Variants in PTPRS observed in about 807,000 individuals in gnomAD.
PTPRS encodes the protein receptor-type tyrosine-protein phosphatase S.
Under a neutral mutation model 215.3 loss-of-function variants are expected in PTPRS, and 63 were observed. The ratio of observed to expected loss-of-function variants is 0.29; its 90% CI spans 0.24 to 0.36. The LOEUF is 0.36. Ranked by LOEUF, PTPRS falls within the 10% of genes least tolerant of loss-of-function variation. The probability of loss-of-function intolerance (pLI) is 1.00; values close to 1 mark genes in which losing one functional copy is unlikely to be tolerated. For missense variants in PTPRS, 2,258 were observed against 2,825.8 expected, an observed-to-expected ratio of 0.80 and a Z score of 4.56; for synonymous variants, 1,404 against 1,191.4, an observed-to-expected ratio of 1.18 and a Z score of -3.68.
Position 5,258,074 on chromosome 19 carries a change from C to A in PTPRS, c.649G>T (p.Val217Leu). Residue 217 changes from valine to leucine, a missense_variant, in exon 8 of 38, where the codon GTG becomes TTG. Val to Leu is a conservative substitution (Grantham distance 32). Coordinates refer to ENST00000262963, the MANE Select transcript of PTPRS (RefSeq NM_002850.4). ...EETDQGKYEC[V>L]ATNSAGVRYS... ...CGCACGCCGGCGCTGTTGGTGGCCA[C>A]ACACTCATATTTGCCCTGGTCGGTT... 1 of 1,614,190 alleles carries A rather than the reference C, an allele frequency of 6.2e-7. No individual in the cohort carries two copies. Among genetic ancestry groups the A allele is most frequent in the Non-Finnish European group, 8.5e-7 (1 of 1,180,022 alleles).
chr19:5,260,258 C>T lies in PTPRS; in HGVS notation c.595+547G>A, dbSNP rs2045883119. 2.7e-5 allele frequency among the ~76,000 whole-genome samples: 4 copies of T among 150,896 alleles called. No homozygotes were observed. The South Asian group carries it at 8.4e-4, about 32-fold the overall frequency. ...GTGGCATGATCTTAGTGGCTCACTGCAACCTCTGCCTCCCAGGTTCAAGTG... is the reference window on the plus strand; with the variant it reads ...GTGGCATGATCTTAGTGGCTCACTGTAACCTCTGCCTCCCAGGTTCAAGTG... On this transcript the variant is annotated intron_variant, in intron 7 of 37. Transcript: ENST00000262963.
chr19:5,338,322 G>A lies in PTPRS; in HGVS notation c.-95+2342C>T, dbSNP rs1287820431. ...TTAGAACAACTCTCAGGATGATGGA[G>A]TATGGCGGGCGGTGGCCCCCAGGGG... On this transcript the variant is annotated intron_variant, in intron 1 of 37. Transcript: ENST00000262963. The surrounding 1 kb of genome is among the most constrained non-coding windows in gnomAD (Gnocchi z 4.2). Among the ~76,000 whole-genome samples the A allele has an allele frequency of 6.6e-6, 1 of 152,202 alleles. No homozygotes were observed. Among genetic ancestry groups the A allele is most frequent in the African/African-American group, 2.4e-5 (1 of 41,472 alleles).
At chr19:5,248,251 C>A (rs1269526889) in intron 9 of PTPRS, among the ~76,000 whole-genome samples, 2 of 151,680 alleles carry the variant, frequency 1.3e-5, no homozygotes, top group South Asian at 2.1e-4. Flanking sequence ...AAAACGGTAT[C>A]GACGTCCAAA....
chr19:5,216,892 T>A (rs1027839251), intron 25 of PTPRS, 125 bp from the exon 26 acceptor site: 1 of 614,616 alleles, frequency 1.6e-6, no homozygotes, highest in South Asian at 1.9e-5. Context: ...CAACGGGGGG[T>A]ATGTACAGCC....
intron 25 of PTPRS, among the ~76,000 whole-genome samples, chr19:5,218,010 A>T (rs186869437): frequency 1.3e-5 from 2 of 152,296 alleles, no homozygotes; most frequent in African/African-American, 4.8e-5. Context: ...GATATATCCC[A>T]AGGGAGTGTG....
At chr19:5,276,845 T>A (rs114753145) in intron 2 of PTPRS, among the ~76,000 whole-genome samples, 8 of 152,160 alleles carry the variant, frequency 5.3e-5, no homozygotes, top group Non-Finnish European at 1.0e-4. Flanking sequence ...CAGGTGAGTA[T>A]GCCTATTTTA....
chr19:5,298,121 G>A (rs777296823), intron 1 of PTPRS, among the ~76,000 whole-genome samples: 7 of 152,130 alleles, frequency 4.6e-5, no homozygotes, highest in African/African-American at 9.7e-5. Context: ...CTATGCATAC[G>A]AATGGGTGCT....
At chr19:5,291,276 T>C (rs1467288492) in intron 1 of PTPRS, among the ~76,000 whole-genome samples, 1 of 151,966 alleles carries the variant, frequency 6.6e-6, no homozygotes, top group Non-Finnish European at 1.5e-5. Flanking sequence ...CCATTAAATG[T>C]TCTCTGTGTT....
chr19:5,246,800 A>G (rs2044528686), intron 9 of PTPRS, among the ~76,000 whole-genome samples: 1 of 152,142 alleles, frequency 6.6e-6, no homozygotes, highest in African/African-American at 2.4e-5. Context: ...TGGGTATAGA[A>G]ACCCTTCTAA....
At chr19:5,313,163 C>T (rs538755433) in intron 1 of PTPRS, among the ~76,000 whole-genome samples, 18 of 152,318 alleles carry the variant, frequency 1.2e-4, no homozygotes, top group Non-Finnish European at 2.2e-4. Context: ...GTGATCCGCC[C>T]GACTCAGCCT....
intron 1 of PTPRS, among the ~76,000 whole-genome samples, chr19:5,308,121 C>A (rs1375455362): frequency 1.3e-5 from 2 of 152,166 alleles, no homozygotes; most frequent in Non-Finnish European, 2.9e-5. Flanking sequence ...CCCATGTGTA[C>A]GCATTCTCTG....
intron 11 of PTPRS, among the ~76,000 whole-genome samples, chr19:5,241,890 C>T (rs1021883377): frequency 1.3e-5 from 2 of 152,074 alleles, no homozygotes; most frequent in African/African-American, 4.8e-5. Flanking sequence ...GACTGGAGTG[C>T]AGTGGCACGA....
At chr19:5,219,153 G>A (rs1463567942) in intron 23 of PTPRS, 157 bp downstream of exon 23, 2 of 1,002,164 alleles carry the variant, frequency 2.0e-6, no homozygotes, top group African/African-American at 1.6e-5. Flanking sequence ...TTCCCATGCT[G>A]TGTGACCTTG....
intron 6 of PTPRS, among the ~76,000 whole-genome samples, chr19:5,261,066 G>T (rs1282487896): frequency 2.6e-5 from 4 of 152,096 alleles, no homozygotes; most frequent in Admixed American, 2.6e-4. Flanking sequence ...TAGAAGGCGG[G>T]AATCTCTGGG....
intron 1 of PTPRS, among the ~76,000 whole-genome samples, chr19:5,289,783 G>A (rs1200962064): frequency 4.6e-5 from 7 of 152,212 alleles, no homozygotes; most frequent in Non-Finnish European, 1.0e-4. Flanking sequence ...GAAGAGCAAG[G>A]GGGCAGCACT....
chr19:5,305,046 G>A (rs2049434770), intron 1 of PTPRS, among the ~76,000 whole-genome samples: 1 of 151,972 alleles, frequency 6.6e-6, no homozygotes, highest in Non-Finnish European at 1.5e-5. Context: ...CTCAGGTCCT[G>A]GGTAGGAGAA....
At chr19:5,271,148 G>A (rs1458390235) in intron 4 of PTPRS, among the ~76,000 whole-genome samples, 3 of 152,226 alleles carry the variant, frequency 2.0e-5, no homozygotes, top group African/African-American at 7.2e-5. Flanking sequence ...CCCAGCTAAT[G>A]GCTGGCAGTG....
At chr19:5,227,303 T>TGCCTCC (rs1376283347) in intron 16 of PTPRS, among the ~76,000 whole-genome samples, 1 of 152,078 alleles carries the variant, frequency 6.6e-6, no homozygotes, top group Admixed American at 6.5e-5. Flanking sequence ...CGCCTGCCTC[T>TGCCTCC]GCCTCCCAAA....
chr19:5,252,452 C>T (rs187444718), intron 9 of PTPRS, among the ~76,000 whole-genome samples: 1 of 151,826 alleles, frequency 6.6e-6, no homozygotes, highest in East Asian at 1.9e-4. Context: ...TGCCAGGTGC[C>T]TGTAATCCCA....
Sources: gnomAD v4.1 joint callset for allele counts (sites outside exome capture counted in the v4.1 genomes callset) on GRCh38, gnomAD v4.1.1 for gene constraint, Gnocchi (gnomAD v3.1) non-coding constraint, MANE v1.5 for transcripts, NCBI Gene and HGNC (gene_info 2026-07-23, HGNC 2026-07-21) for gene names.